Variants in PALS2 observed in about 807,000 individuals in gnomAD.
The protein encoded by PALS2 is protein PALS2.
A neutral mutation model predicts 61.6 loss-of-function variants in PALS2; 27 were observed. The observed-to-expected ratio is 0.44, with a 90% CI of 0.32 to 0.60. The LOEUF is 0.60. Among genes scored for constraint, PALS2 ranks in the 20% least tolerant of loss-of-function variants. PALS2 has a pLI of 0.05. For synonymous variants in PALS2, 236 were observed against 218.6 expected (o/e 1.08, Z -0.70); for missense variants, 554 against 639.4 (o/e 0.87, Z 1.44).
intron 6 of PALS2, among the ~76,000 whole-genome samples, chr7:24,664,013 A>G (rs978705888): frequency 2.6e-5 from 4 of 152,216 alleles, no homozygotes; most frequent in African/African-American, 9.6e-5. Context: ...CTATTGGCCA[A>G]GAAGAACTCA....
intron 1 of PALS2, among the ~76,000 whole-genome samples, chr7:24,594,684 CA>C (rs1783432678): frequency 6.6e-6 from 1 of 152,014 alleles, no homozygotes; most frequent in Non-Finnish European, 1.5e-5. Flanking sequence ...GGGGGTGATT[CA>C]TGGTGCCCCA....
At chr7:24,629,195 C>CA (rs1387993968) in intron 2 of PALS2, among the ~76,000 whole-genome samples, 1 of 152,132 alleles carries the variant, frequency 6.6e-6, no homozygotes, top group African/African-American at 2.4e-5. Context: ...GACACATCTA[C>CA]AACCATCTGG....
chr7:24,643,027 T>C (rs1785644606), intron 3 of PALS2, among the ~76,000 whole-genome samples: 1 of 152,116 alleles, frequency 6.6e-6, no homozygotes, highest in Admixed American at 6.5e-5. Flanking sequence ...TTAAAGACTT[T>C]CAAGTTTTAA....
chr7:24,642,981 C>G (rs192067288), intron 3 of PALS2, among the ~76,000 whole-genome samples: 14 of 151,968 alleles, frequency 9.2e-5, no homozygotes, highest in Non-Finnish European at 2.1e-4. Context: ...AGTTCCAAGG[C>G]AAGAAATTAT....
intron 1 of PALS2, among the ~76,000 whole-genome samples, chr7:24,614,696 C>T (rs182406338): frequency 3.3e-5 from 5 of 152,012 alleles, no homozygotes; most frequent in Admixed American, 6.5e-5. Flanking sequence ...AGAAAATCAA[C>T]GAGATACCAG....
intron 2 of PALS2, 99 bp from the exon 3 acceptor site, chr7:24,641,617 A>G (rs1204658813): frequency 1.9e-6 from 2 of 1,058,012 alleles, no homozygotes; most frequent in Admixed American, 5.9e-5. Context: ...TTAAATCTCC[A>G]AGTAATATAT....
At position 24,687,343 on chromosome 7, in the gene PALS2, T is replaced by G. The variant is rs559979663; in HGVS notation, c.1447-95T>G. ...ATTAATACCAGAATTACCAGAAATA[T>G]ATCTAACCTATTTATTATATTCACT... is the stretch of plus-strand genomic sequence containing the variant. On this transcript the variant is annotated intron_variant, in intron 11 of 11. Transcript: ENST00000222644. The surrounding 1 kb of genome is among the most constrained non-coding windows in gnomAD (Gnocchi z 4.5). 6.4e-6 allele frequency: 6 copies of G among 932,236 alleles called. No homozygotes were observed. The Admixed American group carries it at 1.5e-4, about 24-fold the overall frequency. The allele number at this position is 932,236 out of a possible 1,614,324, so 57.7% of individuals were successfully genotyped here.
At chr7:24,671,487 G>A (rs1445154969) in intron 9 of PALS2, among the ~76,000 whole-genome samples, 3 of 152,022 alleles carry the variant, frequency 2.0e-5, no homozygotes, top group Non-Finnish European at 4.4e-5. Context: ...TTGACTTCTC[G>A]TGTTTTTGAT....
chr7:24,654,320 A>G (rs1169213467), intron 5 of PALS2, among the ~76,000 whole-genome samples: 1 of 152,128 alleles, frequency 6.6e-6, no homozygotes, highest in African/African-American at 2.4e-5. Flanking sequence ...ATACAAGCAA[A>G]ATGTTTGGAA....
At chr7:24,635,668 G>A (rs1010672573) in intron 2 of PALS2, among the ~76,000 whole-genome samples, 3 of 152,146 alleles carry the variant, frequency 2.0e-5, no homozygotes, top group Non-Finnish European at 2.9e-5. Flanking sequence ...AAATATAATG[G>A]AAGTTGTGGG....
At chr7:24,602,385 A>C (rs913073918) in intron 1 of PALS2, among the ~76,000 whole-genome samples, 2 of 152,154 alleles carry the variant, frequency 1.3e-5, no homozygotes, top group Non-Finnish European at 2.9e-5. Flanking sequence ...TAGCTCATTA[A>C]GAGTGGGGGA....
chr7:24,590,526 T>C (rs763019398), intron 1 of PALS2, among the ~76,000 whole-genome samples: 1 of 152,144 alleles, frequency 6.6e-6, no homozygotes, highest in Non-Finnish European at 1.5e-5. Context: ...CTGTGATTAC[T>C]AATTCTCAGG....
At chr7:24,658,818 G>A (rs1284213322) in intron 5 of PALS2, among the ~76,000 whole-genome samples, 1 of 152,050 alleles carries the variant, frequency 6.6e-6, no homozygotes, top group East Asian at 1.9e-4. Flanking sequence ...GCCTCCCAAA[G>A]TGCTGGGATT....
rs1393108859 is a variant in PALS2, at chr7:24,689,597, C to CT, written c.*1990dup. On this transcript the variant is annotated 3_prime_UTR_variant, in exon 12 of 12. Transcript: ENST00000222644. ...GGTTTTTCTTTTTTTTTTTTTTTTTCTTTTTTTGATTCTAGATTTCATGGC... is the reference window on the plus strand; with the variant it reads ...GGTTTTTCTTTTTTTTTTTTTTTTTCTTTTTTTTGATTCTAGATTTCATGGC... The CT allele has an allele frequency of 0.011, 713 of 67,294 alleles. 4 individuals are homozygous for CT. The highest frequency in any genetic ancestry group is 0.034 in the African/African-American group (675 of 19,962). The allele number at this position is 67,294 out of a possible 1,614,324, so 4.2% of individuals were successfully genotyped here.
intron 9 of PALS2, among the ~76,000 whole-genome samples, chr7:24,677,180 G>A (rs1787658490): frequency 6.6e-6 from 1 of 151,762 alleles, no homozygotes; most frequent in African/African-American, 2.4e-5. Flanking sequence ...TCTGTCTGTT[G>A]TTGGTGTATA....
At position 24,679,336 on chromosome 7, in the gene PALS2, A is replaced by G; in HGVS notation, c.1317+3A>G. 1 of 1,613,210 alleles carries G rather than the reference A, an allele frequency of 6.2e-7. No homozygotes were observed. Among genetic ancestry groups the G allele is most frequent in the African/African-American group, 1.3e-5 (1 of 75,014 alleles). On this transcript the variant is annotated splice_donor_region_variant and intron_variant, in intron 10 of 11. Transcript: ENST00000222644. The stretch of plus-strand genomic sequence containing the variant: ...GCATTCTGGATGTCAACCCACAAGT[A>G]AGCTGCTTGGATTCCAAAGCTGTTT...
intron 3 of PALS2, among the ~76,000 whole-genome samples, chr7:24,644,111 T>C (rs1785706109): frequency 6.7e-6 from 1 of 148,418 alleles, no homozygotes; most frequent in Non-Finnish European, 1.5e-5. Context: ...TTTTTTTTTT[T>C]ACTTTTGTTT....
rs548632926 is a variant in PALS2 at position 24,639,428 on chromosome 7, A to G, written c.118-2288A>G. Among the ~76,000 whole-genome samples the G allele has an allele frequency of 3.0e-4, 46 of 151,984 alleles. 2 individuals are homozygous for G. In the South Asian group the frequency reaches 8.1e-3, roughly 27 times the overall value. On this transcript the variant is annotated intron_variant, in intron 2 of 11. Transcript: ENST00000222644. ...AATACACACACACACACACACACAC[A>G]CACACTACTTAGAATATAGTATCCA...
rs1214307083 is a variant in PALS2 at position 24,596,235 on chromosome 7, A to T, written c.-3+22642A>T. 6.6e-6 allele frequency among the ~76,000 whole-genome samples: 1 copy of T among 152,166 alleles called. No individual in the cohort carries two copies. On this transcript the variant is annotated intron_variant, in intron 1 of 11. Transcript: ENST00000222644. This position sits in a 1 kb window ranked among gnomAD's most constrained non-coding sequence, Gnocchi z 4.5. ...TGGTCAAGTGACTACTGCAGCAGAC[A>T]GGCAAGAATTGATGGTGGCTTAGCG...
Sources: gnomAD v4.1 joint callset for allele counts (sites outside exome capture counted in the v4.1 genomes callset) on GRCh38, gnomAD v4.1.1 for gene constraint, Gnocchi (gnomAD v3.1) non-coding constraint, MANE v1.5 for transcripts, NCBI Gene and HGNC (gene_info 2026-07-23, HGNC 2026-07-21) for gene names.